The following LRRC75B variants were observed in gnomAD, a reference collection of about 807,000 sequenced individuals.
LRRC75B encodes the protein leucine-rich repeat-containing protein 75B.
LRRC75B carries 20 observed loss-of-function variants against 16.5 expected under a neutral mutation model. That is an observed-to-expected ratio of 1.21 (90% confidence interval 0.85 to 1.76). The LOEUF is 1.76. Among genes scored for constraint, LRRC75B ranks in the 40% most tolerant of loss-of-function variants. The pLI is 0.00. For synonymous variants in LRRC75B, 199 were observed against 198.1 expected (o/e 1.00, Z -0.04); for missense variants, 406 against 417.0 (o/e 0.97, Z 0.23).
chr22:24,592,148 C>G, intron 1 of LRRC75B: 1 of 388,740 alleles, frequency 2.6e-6, no homozygotes. Flanking sequence ...AGGGAAGTGG[C>G]ATGCCCAGGT....
intron 3 of LRRC75B, among the ~76,000 whole-genome samples, 184 bp from the exon 4 acceptor site, chr22:24,586,595 A>G (rs2045401416): frequency 6.6e-6 from 1 of 152,246 alleles, no homozygotes; most frequent in African/African-American, 2.4e-5. Flanking sequence ...GCAGTGGCAC[A>G]ATCTCGGCTT....
Position 24,586,006 on chromosome 22 carries a change from GAT to G in LRRC75B, c.826_827del (p.Ile276LeufsTer7). 1 of 1,610,990 alleles carries G rather than the reference GAT, an allele frequency of 6.2e-7. No individual in the cohort carries two copies. Among genetic ancestry groups the G allele is most frequent in the South Asian group, 1.1e-5 (1 of 91,080 alleles). On this transcript the variant is annotated frameshift_variant, in exon 4 of 4. Coordinates refer to ENST00000318753, the MANE Select transcript of LRRC75B (RefSeq NM_207644.3). LOFTEE classifies it low-confidence loss of function (END_TRUNC). Reference sequence around the variant, plus strand: ...CAGGCTCAAGGTCCAGGCCCTCGTAGATGGTGGGGAGTGAGGTGCGCTGGCTC... The same window carrying G: ...CAGGCTCAAGGTCCAGGCCCTCGTAGGGTGGGGAGTGAGGTGCGCTGGCTC... ...RLSQRTSLPT[I>X]YEGLDLEPEG...
In LRRC75B at chr22:24,586,405, C is replaced by T. The variant is rs754068863; in HGVS notation, c.429G>A (p.Lys143=). Residue 143 remains lysine, a synonymous_variant, in exon 4 of 4, where the codon AAG becomes AAA. Transcript: ENST00000318753. ...LRQRKTQSCL[K]SSLQKTLLAG... is the part of the protein sequence containing the mutation. ...CCAGCAGAGTCTTCTGGAGGCTGCT[C>T]TTGAGGCTATGGGAGAGTGGCAGGT... is the stretch of plus-strand genomic sequence containing the variant. The T allele has an allele frequency of 1.2e-6, 2 of 1,610,600 alleles. No individual in the cohort carries two copies. Among genetic ancestry groups the T allele is most frequent in the East Asian group, 2.2e-5 (1 of 44,886 alleles).
chr22:24,590,203 G>T (rs2045528590), intron 1 of LRRC75B, among the ~76,000 whole-genome samples: 1 of 152,170 alleles, frequency 6.6e-6, no homozygotes, highest in African/African-American at 2.4e-5. Flanking sequence ...CGTGATCTCA[G>T]TTCAGTGTAA....
At position 24,586,340 on chromosome 22, in the gene LRRC75B, G is replaced by T. The variant is rs771648579; in HGVS notation, c.494C>A (p.Thr165Lys). ...GCGTGTGATGTGTTGCACGTCCTGT[G>T]TCGACAGCGGGATGCCTGAGAGGTC... ...TVDLSGIPLS[T>K]QDVQHITRYL... is the part of the protein sequence containing the mutation. The change falls in exon 4 of 4, where the codon ACA (threonine) becomes AAA (lysine). Residue 165 changes from threonine (T) to lysine (K), a missense_variant. Coordinates refer to ENST00000318753, the MANE Select transcript of LRRC75B (RefSeq NM_207644.3). The T allele has an allele frequency of 6.2e-7, 1 of 1,613,930 alleles. No homozygotes were observed. Among genetic ancestry groups the T allele is most frequent in the Admixed American group, 1.7e-5 (1 of 60,034 alleles).
chr22:24,586,794 G>C (rs2045408718), intron 3 of LRRC75B, among the ~76,000 whole-genome samples: 1 of 152,216 alleles, frequency 6.6e-6, no homozygotes, highest in Non-Finnish European at 1.5e-5. Context: ...GCCTCCCAAA[G>C]TGCTGGGATT....
At chr22:24,588,443 G>A in intron 2 of LRRC75B, 114 bp from the exon 3 acceptor site, 1 of 842,276 alleles carries the variant, frequency 1.2e-6, no homozygotes, top group South Asian at 1.6e-5. Context: ...CATGCACCAT[G>A]CATCACCGAG....
At chr22:24,588,632 CTAT>C in intron 2 of LRRC75B, 5 of 1,104,454 alleles carry the variant, frequency 4.5e-6, no homozygotes, top group Non-Finnish European at 5.7e-6. Flanking sequence ...GCGTCTCGGG[CTAT>C]CAGCCGGCTG....
Position 24,586,739 on chromosome 22 carries a change from C to T in LRRC75B, c.423-328G>A, listed in dbSNP as rs183308847. Among the ~76,000 whole-genome samples, 96 of 152,300 alleles carry T rather than the reference C, an allele frequency of 6.3e-4. 1 individual carries two copies. In the East Asian group the frequency reaches 0.016, roughly 26 times the overall value. On this transcript the variant is annotated intron_variant, in intron 3 of 3. Transcript: ENST00000318753. ...AGAGGCGGGGTTTCTCCATCTTTGT[C>T]AGGCTGGTCTCGAACTCCTGACCTC...
intron 2 of LRRC75B, chr22:24,588,930 C>T (rs1024574733): frequency 2.0e-6 from 2 of 1,003,328 alleles, no homozygotes; most frequent in Non-Finnish European, 1.2e-6. Flanking sequence ...ATCCGAGGTG[C>T]GCGGCCCACA....
At position 24,586,216 on chromosome 22, in the gene LRRC75B, C is replaced by T. The variant is rs767286236; in HGVS notation, c.618G>A (p.Ala206=). 3.9e-5 allele frequency: 63 copies of T among 1,613,554 alleles called. No individual in the cohort carries two copies. The highest frequency in any genetic ancestry group is 1.1e-4 in the South Asian group (10 of 91,076). ...LLHLLLPSLW[A]LPRLTQLLLN... is the part of the protein sequence containing the mutation. ...GCAGGAGCTGGGTGAGGCGGGGCAG[C>T]GCCCACAGGCTGGGCAGCAGGAGGT... is the stretch of plus-strand genomic sequence containing the variant. The change falls in exon 4 of 4, where the codon GCG becomes GCA. Residue 206 remains alanine, a synonymous_variant. Coordinates refer to ENST00000318753, the MANE Select transcript of LRRC75B (RefSeq NM_207644.3).
intron 2 of LRRC75B, chr22:24,589,213 C>A: frequency 1.6e-6 from 2 of 1,249,540 alleles, no homozygotes. Context: ...GGGGCTGTGT[C>A]GATGCTCATG....
chr22:24,589,398 G>A (rs2147161737), intron 2 of LRRC75B: 3 of 1,072,038 alleles, frequency 2.8e-6, no homozygotes. Context: ...GGAGACCTGC[G>A]GACAGACGGG....
Position 24,589,838 on chromosome 22 carries a change from G to C in LRRC75B, c.289C>G (p.Leu97Val). The C allele has an allele frequency of 6.2e-7, 1 of 1,613,474 alleles. No individual in the cohort carries two copies. ...HDLLVNLARD[L>V]QCPKKDYELW... ...AGCCTCACCTTCTTGGGGCACTGCA[G>C]GTCCCGGGCCAGGTTCACAAGCAGG... The change falls in exon 2 of 4, where the codon CTG becomes GTG. Residue 97 changes from leucine to valine, a missense_variant. Transcript: ENST00000318753.
intron 3 of LRRC75B, among the ~76,000 whole-genome samples, chr22:24,587,206 G>A (rs2045420487): frequency 6.6e-6 from 1 of 152,198 alleles, no homozygotes; most frequent in Non-Finnish European, 1.5e-5. Flanking sequence ...GCTGTACAGG[G>A]CACCGGGGAT....
intron 2 of LRRC75B, 104 bp from the exon 3 acceptor site, chr22:24,588,433 C>T: frequency 1.1e-6 from 1 of 880,476 alleles, no homozygotes. Context: ...TGAGCACAGT[C>T]ATGCACCATG....
In LRRC75B at chr22:24,586,383, G is replaced by T; in HGVS notation, c.451C>A (p.Leu151Met). 6.2e-7 allele frequency: 1 copy of T among 1,613,514 alleles called. No homozygotes were observed. Among genetic ancestry groups the T allele is most frequent in the Non-Finnish European group, 8.5e-7 (1 of 1,179,846 alleles). ...GAGAGGTCCACAGTCTCCCCTGCCA[G>T]CAGAGTCTTCTGGAGGCTGCTCTTG... ...CLKSSLQKTL[L>M]AGETVDLSGI... is the part of the protein sequence containing the mutation. The change falls in exon 4 of 4, where the codon CTG (leucine) becomes ATG (methionine). Residue 151 changes from leucine (L) to methionine (M), a missense_variant. Physicochemically the swap from Leu to Met is conservative, Grantham distance 15. Coordinates refer to ENST00000318753, the MANE Select transcript of LRRC75B (RefSeq NM_207644.3).
Position 24,589,533 on chromosome 22 carries a change from T to C in LRRC75B, c.306+288A>G, listed in dbSNP as rs1217219490. The C allele has an allele frequency of 3.1e-5, 14 of 453,632 alleles. No individual in the cohort carries two copies. The South Asian group carries it at 5.5e-4, about 18-fold the overall frequency. The allele number at this position is 453,632 out of a possible 1,614,324, so 28.1% of individuals were successfully genotyped here. A position where few individuals can be genotyped will look rare whatever the true frequency, so the allele number is the denominator to read the frequency against. ...TCCCCATATGACTTCTGCCCAGCTA[T>C]AGTCTTCCTGGTCTGGGCCCCCAGG... On this transcript the variant is annotated intron_variant, in intron 2 of 3. Coordinates refer to ENST00000318753, the MANE Select transcript of LRRC75B (RefSeq NM_207644.3).
intron 3 of LRRC75B, among the ~76,000 whole-genome samples, chr22:24,586,688 C>T (rs1046277587): frequency 2.0e-5 from 3 of 152,348 alleles, no homozygotes; most frequent in South Asian, 2.1e-4. Flanking sequence ...TGTGCCACCA[C>T]GCCTGGCTAA....
Sources: allele counts gnomAD v4.1 joint callset (sites outside exome capture counted in the v4.1 genomes callset), GRCh38; gene constraint gnomAD v4.1.1; transcripts MANE v1.5; gene names NCBI Gene and HGNC (gene_info 2026-07-23, HGNC 2026-07-21).